Variants in LLGL2 observed in about 807,000 individuals in gnomAD.
LLGL2 encodes the protein LLGL2, scribble cell polarity complex component.
A neutral mutation model predicts 123.2 loss-of-function variants in LLGL2; 81 were observed. The observed-to-expected ratio is 0.66, with a 90% CI of 0.55 to 0.79. The LOEUF (loss-of-function observed/expected upper bound fraction) is 0.79, where lower values mean the gene tolerates loss of function less well. Among genes scored for constraint, LLGL2 ranks in the 30% least tolerant of loss-of-function variants. The pLI is 0.00. For synonymous variants in LLGL2, 577 were observed against 594.1 expected (o/e 0.97, Z 0.42); for missense variants, 1,273 against 1,414.6 (o/e 0.90, Z 1.61).
At chr17:75,568,163 A>C (rs1464349755) in intron 10 of LLGL2, 7 of 1,276,284 alleles carry the variant, frequency 5.5e-6, no homozygotes, top group South Asian at 2.1e-5. Context: ...ATGGAGGAGA[A>C]ACCAGGGAAG....
intron 10 of LLGL2, chr17:75,568,132 TGAGCAGGGA>T: frequency 8.3e-7 from 1 of 1,204,184 alleles, no homozygotes; most frequent in Non-Finnish European, 1.0e-6. Context: ...CAGGTGCATC[TGAGCAGGGA>T]GAGCAGGCCC....
chr17:75,573,891 G>C (rs2055848812), intron 21 of LLGL2, 61 bp from the exon 22 acceptor site: 1 of 1,531,448 alleles, frequency 6.5e-7, no homozygotes, highest in Non-Finnish European at 8.9e-7. Context: ...ATGGGACCAG[G>C]GCTCTCAGAG....
chr17:75,573,718 T>G, intron 21 of LLGL2, 87 bp downstream of exon 21: 1 of 1,238,388 alleles, frequency 8.1e-7, no homozygotes, highest in Non-Finnish European at 1.1e-6. Context: ...GCTGCCTGGC[T>G]GGAGGCACCT....
chr17:75,574,097 G>A (rs2055861290), intron 22 of LLGL2, 116 bp from the exon 23 acceptor site: 4 of 1,546,702 alleles, frequency 2.6e-6, no homozygotes, highest in Middle Eastern at 3.3e-4. Flanking sequence ...GAATAGAGAC[G>A]GCATTCCTTC....
intron 2 of LLGL2, among the ~76,000 whole-genome samples, chr17:75,547,286 CCA>C (rs1184747424): frequency 6.6e-6 from 1 of 152,236 alleles, no homozygotes; most frequent in Non-Finnish European, 1.5e-5. Flanking sequence ...AGCGGTAACT[CCA>C]GTTCACCGAG....
chr17:75,574,686 G>C lies in LLGL2; in HGVS notation c.3055+18G>C. Reference sequence around the variant, plus strand: ...TGGCGGAGGTGGGGGCTCTGGGCTTGAGTGCAGCTGCCAACCGTGCTGGGA... The same window carrying C: ...TGGCGGAGGTGGGGGCTCTGGGCTTCAGTGCAGCTGCCAACCGTGCTGGGA... On this transcript the variant is annotated intron_variant, in intron 25 of 25. Coordinates refer to ENST00000392550, the MANE Select transcript of LLGL2 (RefSeq NM_001031803.2). 1 of 1,608,840 alleles carries C rather than the reference G, an allele frequency of 6.2e-7. No individual in the cohort carries two copies. The highest frequency in any genetic ancestry group is 1.7e-4 in the Middle Eastern group (1 of 5,944).
At position 75,559,210 on chromosome 17, in the gene LLGL2, G is replaced by A. The variant is rs112563171; in HGVS notation, c.372-42G>A. 4.9e-4 allele frequency: 757 copies of A among 1,544,466 alleles called. 5 individuals carry two copies. In the African/African-American group the frequency reaches 8.6e-3, roughly 18 times the overall value. ...GGACCCCGTCCATGGCATCTCCCCT[G>A]CTGGGCAGTGGTCGGCTCACGGGCA... On this transcript the variant is annotated intron_variant, in intron 5 of 25. Coordinates refer to ENST00000392550, the MANE Select transcript of LLGL2 (RefSeq NM_001031803.2). The surrounding 1 kb of genome is among the most constrained non-coding windows in gnomAD (Gnocchi z 4.6).
chr17:75,532,075 C>CACACACACACACAG (rs2053812897), intron 1 of LLGL2, among the ~76,000 whole-genome samples: 1 of 133,208 alleles, frequency 7.5e-6, no homozygotes, highest in African/African-American at 2.6e-5. Context: ...CACACACACA[C>CACACACACACACAG]ACTTTTTTTT....
At chr17:75,553,571 C>T (rs1163049814) in intron 2 of LLGL2, among the ~76,000 whole-genome samples, 1 of 152,182 alleles carries the variant, frequency 6.6e-6, no homozygotes, top group Non-Finnish European at 1.5e-5. Flanking sequence ...CCTAAGGAGG[C>T]TGCCTCATTG....
intron 1 of LLGL2, among the ~76,000 whole-genome samples, chr17:75,532,079 T>TACACACACACACA (rs1555648021): frequency 7.3e-5 from 2 of 27,544 alleles, no homozygotes; most frequent in Non-Finnish European, 2.1e-4. Flanking sequence ...CACACACACT[T>TACACACACACACA]TTTTTTTTTT....
chr17:75,538,779 A>T (rs2054100419), intron 1 of LLGL2: 1 of 152,238 alleles, frequency 6.6e-6, no homozygotes, highest in South Asian at 2.1e-4. Flanking sequence ...TATCTGGAGG[A>T]AAGTGACCCA....
intron 2 of LLGL2, 86 bp downstream of exon 2, chr17:75,543,587 A>AATCC: frequency 5.6e-6 from 6 of 1,070,000 alleles, no homozygotes; most frequent in Non-Finnish European, 8.3e-6. Context: ...TACCTGGATT[A>AATCC]AGGTATAGCT....
At position 75,544,128 on chromosome 17, in the gene LLGL2, G is replaced by A. The variant is rs2054320802; in HGVS notation, c.75+627G>A. ...ACGGGGCTTCCCTTCAGGAGTCTGG[G>A]GCCTGAGAAGGTCAGGACGGGCCTG... is the stretch of plus-strand genomic sequence containing the variant. On this transcript the variant is annotated intron_variant, in intron 2 of 25. Transcript: ENST00000392550. This position sits in a 1 kb window ranked among gnomAD's most constrained non-coding sequence, Gnocchi z 4.2. Among the ~76,000 whole-genome samples, 1 of 152,178 alleles carries A rather than the reference G, an allele frequency of 6.6e-6. No homozygotes were observed. The highest frequency in any genetic ancestry group is 2.4e-5 in the African/African-American group (1 of 41,452).
chr17:75,561,500 G>A (rs1043438148), intron 6 of LLGL2, among the ~76,000 whole-genome samples: 2 of 152,052 alleles, frequency 1.3e-5, no homozygotes, highest in Non-Finnish European at 2.9e-5. Context: ...GGCGGCACAC[G>A]TCTGCAGTCT....
At chr17:75,535,324 G>A (rs959959237) in intron 1 of LLGL2, among the ~76,000 whole-genome samples, 9 of 152,034 alleles carry the variant, frequency 5.9e-5, no homozygotes, top group Non-Finnish European at 8.8e-5. Context: ...GAGCACGAGC[G>A]AAGAGGAGAG....
rs761137686 is a variant in LLGL2, at chr17:75,571,975, G to A, written c.2371G>A (p.Glu791Lys). 9 of 1,612,814 alleles carry A rather than the reference G, an allele frequency of 5.6e-6. No homozygotes were observed. Among genetic ancestry groups the A allele is most frequent in the Middle Eastern group, 1.7e-4 (1 of 6,060 alleles). Reference sequence around the variant, plus strand: ...CGACGGACACAGCGTACCCCTTCCCGAGCCCCTCGAAGTGGCCCATGATCT... The same window carrying A: ...CGACGGACACAGCGTACCCCTTCCCAAGCCCCTCGAAGTGGCCCATGATCT... ...VLDGHSVPLP[E>K]PLEVAHDLSK... The change falls in exon 19 of 26, where the codon GAG becomes AAG. Residue 791 changes from glutamate to lysine, a missense_variant. Physicochemically the swap from Glu to Lys is moderately conservative, Grantham distance 56. Transcript: ENST00000392550.
chr17:75,560,468 TTTATA>T (rs978897064), intron 6 of LLGL2, among the ~76,000 whole-genome samples: 4 of 152,042 alleles, frequency 2.6e-5, no homozygotes, highest in African/African-American at 7.2e-5. Context: ...TGCCAGTTTA[TTTATA>T]TTATATTATA....
At chr17:75,540,123 C>A (rs1192990180) in intron 1 of LLGL2, among the ~76,000 whole-genome samples, 1 of 152,154 alleles carries the variant, frequency 6.6e-6, no homozygotes, top group Non-Finnish European at 1.5e-5. Context: ...GATGGTGAGC[C>A]CTGGCCTGTT....
intron 6 of LLGL2, among the ~76,000 whole-genome samples, chr17:75,562,062 T>A (rs2055244108): frequency 6.6e-6 from 1 of 152,192 alleles, no homozygotes; most frequent in Admixed American, 6.5e-5. Context: ...TTAGTGTGGC[T>A]TGGGTCCAGG....
Sources: gnomAD v4.1 joint callset for allele counts (sites outside exome capture counted in the v4.1 genomes callset) on GRCh38, gnomAD v4.1.1 for gene constraint, Gnocchi (gnomAD v3.1) non-coding constraint, MANE v1.5 for transcripts, NCBI Gene and HGNC (gene_info 2026-07-23, HGNC 2026-07-21) for gene names.